Variants in MAP3K21 observed in about 807,000 individuals in gnomAD.
MAP3K21 encodes mitogen-activated protein kinase kinase kinase 21.
Under a neutral mutation model 86.1 loss-of-function variants are expected in MAP3K21, and 63 were observed. That is an observed-to-expected ratio of 0.73 (90% confidence interval 0.60 to 0.90). The LOEUF is 0.90. MAP3K21 is among the 40% of genes least tolerant of loss of function. The probability of loss-of-function intolerance (pLI) is 0.00; values close to 1 mark genes in which losing one functional copy is unlikely to be tolerated. For missense variants in MAP3K21, 1,220 were observed against 1,367.7 expected, an observed-to-expected ratio of 0.89 and a Z score of 1.70; for synonymous variants, 558 against 564.8, an observed-to-expected ratio of 0.99 and a Z score of 0.17.
chr1:233,328,013 C>G lies in MAP3K21; in HGVS notation c.-16C>G, dbSNP rs1258753240. 2 of 1,254,926 alleles carry G rather than the reference C, an allele frequency of 1.6e-6. No individual in the cohort carries two copies. Among genetic ancestry groups the G allele is most frequent in the Non-Finnish European group, 2.0e-6 (2 of 1,001,596 alleles). 77.7% of individuals were successfully genotyped at this position (1,254,926 alleles called of 1,614,324 possible). On this transcript the variant is annotated 5_prime_UTR_variant, in exon 1 of 10. Transcript: ENST00000366624. This position sits in a 1 kb window ranked among gnomAD's most constrained non-coding sequence, Gnocchi z 8.7. Reference sequence around the variant, plus strand: ...AGCCCAGCTTCCCGCTCCGCCTTCCCCGCGCAGCTGCCCCCATGGCTTTGC... The same window carrying G: ...AGCCCAGCTTCCCGCTCCGCCTTCCGCGCGCAGCTGCCCCCATGGCTTTGC...
intron 2 of MAP3K21, among the ~76,000 whole-genome samples, chr1:233,350,419 A>T (rs1663229047): frequency 6.6e-6 from 1 of 152,170 alleles, no homozygotes; most frequent in African/African-American, 2.4e-5. Context: ...ACATTGTAGG[A>T]TATCCGGATG....
Position 233,379,038 on chromosome 1 carries a change from G to T in MAP3K21, c.2032G>T (p.Ala678Ser). ...AYIDLPLGKD[A>S]QRENPAEAES... ...CATTGATCTACCTCTTGGGAAAGATGCTCAGAGAGAGAATCCTGCAGAAGC... is the reference window on the plus strand; with the variant it reads ...CATTGATCTACCTCTTGGGAAAGATTCTCAGAGAGAGAATCCTGCAGAAGC... Residue 678 changes from alanine to serine, a missense_variant, in exon 9 of 10, where the codon GCT (alanine) becomes TCT (serine). Physicochemically the swap from Ala to Ser is moderately conservative, Grantham distance 99. Coordinates refer to ENST00000366624, the MANE Select transcript of MAP3K21 (RefSeq NM_032435.3). 8.7e-6 allele frequency: 14 copies of T among 1,614,200 alleles called. No individual in the cohort carries two copies. The highest frequency in any genetic ancestry group is 1.2e-5 in the Non-Finnish European group (14 of 1,180,020).
rs9970502 is a variant in MAP3K21, at chr1:233,357,677, G to A, written c.1311+2666G>A. Among the ~76,000 whole-genome samples the A allele has an allele frequency of 3.3e-5, 5 of 152,112 alleles. No homozygotes were observed. In the South Asian group the frequency reaches 1.0e-3, roughly 31 times the overall value. ...CCTCCTGGCATGCATGGGAGAGGAT[G>A]GGGGAGCCTGGGAGTCCAAGAACAG... On this transcript the variant is annotated intron_variant, in intron 4 of 9. Transcript: ENST00000366624.
At chr1:233,359,583 G>A (rs1020595906) in intron 4 of MAP3K21, among the ~76,000 whole-genome samples, 9 of 152,098 alleles carry the variant, frequency 5.9e-5, no homozygotes, top group African/African-American at 2.2e-4. Flanking sequence ...CGTAGCCTCC[G>A]TAGATACTGG....
intron 8 of MAP3K21, among the ~76,000 whole-genome samples, chr1:233,378,653 G>A (rs1373574798): frequency 6.6e-6 from 1 of 152,164 alleles, no homozygotes; most frequent in Non-Finnish European, 1.5e-5. Flanking sequence ...CTACAATAGT[G>A]TCTATTATTG....
intron 6 of MAP3K21, chr1:233,373,222 G>T (rs900499826): frequency 2.0e-5 from 3 of 152,154 alleles, no homozygotes; most frequent in Non-Finnish European, 4.4e-5. Flanking sequence ...CTAGGCAAAG[G>T]CCTAATTAAC....
At chr1:233,377,698 A>C (rs998407842) in intron 8 of MAP3K21, among the ~76,000 whole-genome samples, 1 of 152,202 alleles carries the variant, frequency 6.6e-6, no homozygotes, top group Non-Finnish European at 1.5e-5. Context: ...TTTCAGGATG[A>C]TCCAAGCGCA....
chr1:233,330,681 A>G (rs1662794100), intron 1 of MAP3K21, among the ~76,000 whole-genome samples: 1 of 152,230 alleles, frequency 6.6e-6, no homozygotes, highest in South Asian at 2.1e-4. Context: ...ATGTATCCAA[A>G]TCATCAACAC....
chr1:233,339,304 C>CTCTTCTTCTTCT lies in MAP3K21; in HGVS notation c.806-7127_806-7126insTTCTTCTTCTTC, dbSNP rs1159949780. ...CTTCTTCTTCTTCCTCTTCTTCTTC[C>CTCTTCTTCTTCT]TCTTCTTCTTCCTCTTCTTCTTCTT... On this transcript the variant is annotated intron_variant, in intron 1 of 9. Coordinates refer to ENST00000366624, the MANE Select transcript of MAP3K21 (RefSeq NM_032435.3). 4.7e-5 allele frequency among the ~76,000 whole-genome samples: 3 copies of CTCTTCTTCTTCT among 64,246 alleles called. 1 individual carries two copies. The highest frequency in any genetic ancestry group is 1.3e-4 in the African/African-American group (2 of 15,452). The allele number at this position is 64,246 out of a possible 152,430, so 42.1% of individuals were successfully genotyped here.
chr1:233,337,987 T>A (rs1482007481), intron 1 of MAP3K21, among the ~76,000 whole-genome samples: 1 of 151,720 alleles, frequency 6.6e-6, no homozygotes, highest in Non-Finnish European at 1.5e-5. Context: ...GTATTAAATA[T>A]GTTATGTTCT....
At chr1:233,335,717 T>C (rs1662899150) in intron 1 of MAP3K21, among the ~76,000 whole-genome samples, 1 of 152,210 alleles carries the variant, frequency 6.6e-6, no homozygotes, top group South Asian at 2.1e-4. Flanking sequence ...AGCTTTGGTT[T>C]ATAGCAATTA....
chr1:233,333,468 G>A (rs562054516), intron 1 of MAP3K21, among the ~76,000 whole-genome samples: 10 of 152,286 alleles, frequency 6.6e-5, no homozygotes, highest in African/African-American at 2.4e-4. Context: ...TAGCTGGCCA[G>A]GTGTAGTGGC....
chr1:233,359,993 G>A (rs1034529929), intron 4 of MAP3K21, among the ~76,000 whole-genome samples: 1 of 152,046 alleles, frequency 6.6e-6, no homozygotes, highest in South Asian at 2.1e-4. Context: ...TTGTTCACAG[G>A]GATTCATGAT....
chr1:233,332,324 G>T (rs894154636), intron 1 of MAP3K21, among the ~76,000 whole-genome samples: 7 of 152,054 alleles, frequency 4.6e-5, no homozygotes, highest in African/African-American at 7.2e-5. Flanking sequence ...GAGGATGGGG[G>T]TGCTGTTTCA....
At chr1:233,345,611 T>C (rs1397189893) in intron 1 of MAP3K21, among the ~76,000 whole-genome samples, 3 of 151,896 alleles carry the variant, frequency 2.0e-5, no homozygotes, top group Non-Finnish European at 4.4e-5. Flanking sequence ...AGGGATAGCA[T>C]TAGGAGAAAT....
rs1428738354 is a variant in MAP3K21 at position 233,327,887 on chromosome 1, A to G, written c.-142A>G. The G allele has an allele frequency of 6.9e-6, 4 of 575,884 alleles. No individual in the cohort carries two copies. The highest frequency in any genetic ancestry group is 7.6e-6 in the Non-Finnish European group (3 of 395,666). The allele number at this position is 575,884 out of a possible 1,614,324, so 35.7% of individuals were successfully genotyped here. A position where few individuals can be genotyped will look rare whatever the true frequency, so the allele number is the denominator to read the frequency against. Reference sequence around the variant, plus strand: ...GGACCCTTTGGGCAGCTAGCCCGTGATCTCTGCCGTCACCGATCGCGATTC... The same window carrying G: ...GGACCCTTTGGGCAGCTAGCCCGTGGTCTCTGCCGTCACCGATCGCGATTC... On this transcript the variant is annotated 5_prime_UTR_variant, in exon 1 of 10. An upstream open reading frame in the 5' UTR loses its in-frame stop. Transcript: ENST00000366624.
At chr1:233,333,612 G>A (rs544675340) in intron 1 of MAP3K21, among the ~76,000 whole-genome samples, 72 of 150,006 alleles carry the variant, frequency 4.8e-4, no homozygotes, top group African/African-American at 1.6e-3. Context: ...AAAAAAATAG[G>A]CAATGTCTTA....
rs754276836 is a variant in MAP3K21, at chr1:233,376,509, TTG to T, written c.1908_1909del (p.Leu636PhefsTer9). ...TCAGAAAACCATGCCCTTGGCTTCATTGTTTGTGGACCAGCCAGGTAAATGTG... is the reference window on the plus strand; with the variant it reads ...TCAGAAAACCATGCCCTTGGCTTCATTTTGTGGACCAGCCAGGTAAATGTG... ...KNQKTMPLAS[L>X]FVDQPGSCEE... On this transcript the variant is annotated frameshift_variant, in exon 8 of 10. Coordinates refer to ENST00000366624, the MANE Select transcript of MAP3K21 (RefSeq NM_032435.3). LOFTEE classifies it high-confidence loss of function. 2 of 1,612,964 alleles carry T rather than the reference TTG, an allele frequency of 1.2e-6. No homozygotes were observed. The highest frequency in any genetic ancestry group is 2.2e-5 in the South Asian group (2 of 90,968).
intron 9 of MAP3K21, 114 bp from the exon 10 acceptor site, chr1:233,382,191 T>C: frequency 2.2e-6 from 2 of 929,868 alleles, no homozygotes; most frequent in Non-Finnish European, 3.2e-6. Context: ...TTGTTGAAGC[T>C]CATTTTAAAG....
Sources: allele counts gnomAD v4.1 joint callset (sites outside exome capture counted in the v4.1 genomes callset), GRCh38; gene constraint gnomAD v4.1.1; non-coding constraint Gnocchi (gnomAD v3.1); transcripts MANE v1.5; gene names NCBI Gene and HGNC (gene_info 2026-07-23, HGNC 2026-07-21).